Variants in PREP observed in about 807,000 individuals in gnomAD.
PREP encodes prolyl endopeptidase.
In PREP, 29 loss-of-function variants were observed where a neutral mutation model predicts 87.6. The observed-to-expected ratio is 0.33, with a 90% CI of 0.25 to 0.45. The LOEUF (loss-of-function observed/expected upper bound fraction) is 0.45. Ranked by LOEUF, PREP falls within the 20% of genes least tolerant of loss-of-function variation. The pLI is 1.00. For synonymous variants in PREP, 337 were observed against 328.6 expected (o/e 1.03, Z -0.28); for missense variants, 695 against 886.5 (o/e 0.78, Z 2.74).
chr6:105,355,602 A>G (rs926455327), intron 6 of PREP, among the ~76,000 whole-genome samples: 4 of 152,158 alleles, frequency 2.6e-5, no homozygotes, highest in Admixed American at 2.6e-4. Context: ...CTTGAGATTA[A>G]TTGAGCTTCC....
intron 10 of PREP, among the ~76,000 whole-genome samples, chr6:105,300,845 C>A (rs961819063): frequency 1.3e-5 from 2 of 152,128 alleles, no homozygotes; most frequent in Non-Finnish European, 2.9e-5. Context: ...AAAAGAATAT[C>A]TTCCTTTAAA....
chr6:105,297,503 A>C (rs922395884), intron 10 of PREP, among the ~76,000 whole-genome samples: 3 of 152,244 alleles, frequency 2.0e-5, no homozygotes, highest in African/African-American at 7.2e-5. Context: ...CAAGTTAAAC[A>C]AAATTACTTC....
intron 10 of PREP, among the ~76,000 whole-genome samples, chr6:105,315,394 G>A (rs1212242868): frequency 1.3e-5 from 2 of 152,090 alleles, no homozygotes; most frequent in Non-Finnish European, 2.9e-5. Context: ...CTCATCTTGA[G>A]CTCCTGGCCC....
At chr6:105,363,290 A>G (rs1259575187) in intron 6 of PREP, among the ~76,000 whole-genome samples, 1 of 152,212 alleles carries the variant, frequency 6.6e-6, no homozygotes, top group Non-Finnish European at 1.5e-5. Flanking sequence ...TCTTCATTCT[A>G]GAGCACCCTC....
Position 105,322,872 on chromosome 6 carries a change from C to T in PREP, c.1317+793G>A, listed in dbSNP as rs187321155. 74 of 1,172,608 alleles carry T rather than the reference C, an allele frequency of 6.3e-5. No individual in the cohort carries two copies. The African/African-American group carries it at 1.1e-3, about 18-fold the overall frequency. The allele number at this position is 1,172,608 out of a possible 1,614,324, so 72.6% of individuals were successfully genotyped here. A position where few individuals can be genotyped will look rare whatever the true frequency, so the allele number is the denominator to read the frequency against. ...GTAATTCACCAAGCTATAATAATGC[C>T]CTAGTTTCACAGAAACATTGTGGGG... is the stretch of plus-strand genomic sequence containing the variant. On this transcript the variant is annotated intron_variant, in intron 10 of 14. Coordinates refer to ENST00000652536, the MANE Select transcript of PREP (RefSeq NM_002726.5).
chr6:105,297,980 C>T (rs1011195222), intron 10 of PREP, among the ~76,000 whole-genome samples: 2 of 152,200 alleles, frequency 1.3e-5, no homozygotes, highest in Non-Finnish European at 2.9e-5. Flanking sequence ...AAGATAAAAC[C>T]AAACATTACG....
chr6:105,367,853 A>G (rs1039061636), intron 6 of PREP, among the ~76,000 whole-genome samples: 1 of 152,186 alleles, frequency 6.6e-6, no homozygotes, highest in East Asian at 1.9e-4. Context: ...TGCAGTTCTA[A>G]TTTGAAAGCA....
rs568256557 is a variant in PREP, at chr6:105,285,602, T to G, written c.1455-22A>C. 12 of 1,590,024 alleles carry G rather than the reference T, an allele frequency of 7.5e-6. No homozygotes were observed. The East Asian group carries it at 2.5e-4, about 33-fold the overall frequency. On this transcript the variant is annotated intron_variant, in intron 11 of 14. Transcript: ENST00000652536. ...AACACTGAGAAGCAGTAAAAACAGT[T>G]AACCTTCCATTAACTGCCTAGTGAA...
chr6:105,367,572 T>C (rs1481389271), intron 6 of PREP, among the ~76,000 whole-genome samples: 1 of 149,360 alleles, frequency 6.7e-6, no homozygotes, highest in Non-Finnish European at 1.5e-5. Flanking sequence ...CTTGGGAGGC[T>C]GAGGCAGGAG....
intron 10 of PREP, 67 bp downstream of exon 10, chr6:105,323,598 T>A (rs545129309): frequency 7.3e-7 from 1 of 1,360,928 alleles, no homozygotes; most frequent in Admixed American, 1.7e-5. Flanking sequence ...TAAGCTACAG[T>A]GTGAATGGCC....
intron 2 of PREP, among the ~76,000 whole-genome samples, chr6:105,386,623 G>C (rs1562226603): frequency 6.6e-6 from 1 of 152,124 alleles, no homozygotes; most frequent in African/African-American, 2.4e-5. Flanking sequence ...TTAGAACTTA[G>C]CTGCTTATGA....
At position 105,368,219 on chromosome 6, in the gene PREP, A is replaced by G. The variant is rs374902090; in HGVS notation, c.717+684T>C. Among the ~76,000 whole-genome samples the G allele has an allele frequency of 5.3e-5, 8 of 152,294 alleles. No individual in the cohort carries two copies. In the East Asian group the frequency reaches 1.2e-3, roughly 22 times the overall value. ...GGAATAACATCCCACCCATATTAAA[A>G]CATATTCAGAATGCTTCTCTAACAA... On this transcript the variant is annotated intron_variant, in intron 6 of 14. Coordinates refer to ENST00000652536, the MANE Select transcript of PREP (RefSeq NM_002726.5).
intron 6 of PREP, among the ~76,000 whole-genome samples, chr6:105,358,172 C>G (rs1772152418): frequency 6.6e-6 from 1 of 151,694 alleles, no homozygotes; most frequent in Admixed American, 6.6e-5. Flanking sequence ...AAAAATCTAC[C>G]ATTTATGTAA....
At chr6:105,349,936 T>C (rs1425531150) in intron 7 of PREP, among the ~76,000 whole-genome samples, 1 of 129,718 alleles carries the variant, frequency 7.7e-6, no homozygotes, top group Non-Finnish European at 1.5e-5. Flanking sequence ...AAAAAGATCC[T>C]AGGAGTTAGT....
At chr6:105,355,617 T>A (rs2114687521) in intron 6 of PREP, among the ~76,000 whole-genome samples, 1 of 152,338 alleles carries the variant, frequency 6.6e-6, no homozygotes, top group African/African-American at 2.4e-5. Flanking sequence ...GCTTCCTGAA[T>A]CTGTTGATTT....
At chr6:105,384,684 C>G (rs759809132) in intron 2 of PREP, among the ~76,000 whole-genome samples, 2 of 152,246 alleles carry the variant, frequency 1.3e-5, no homozygotes, top group African/African-American at 4.8e-5. Context: ...GCAAAACAAT[C>G]AGAATCCTTT....
At chr6:105,290,070 AT>A (rs1402479922) in intron 10 of PREP, among the ~76,000 whole-genome samples, 2 of 152,198 alleles carry the variant, frequency 1.3e-5, no homozygotes, top group Non-Finnish European at 2.9e-5. Flanking sequence ...CATAAAAAGC[AT>A]TTGTTTCGGA....
intron 10 of PREP, among the ~76,000 whole-genome samples, chr6:105,313,119 AG>A (rs1770793445): frequency 6.6e-6 from 1 of 152,250 alleles, no homozygotes; most frequent in African/African-American, 2.4e-5. Flanking sequence ...AACCAGGTCA[AG>A]GTACACTTAA....
At chr6:105,279,308 G>A (rs1004209390) in intron 14 of PREP, among the ~76,000 whole-genome samples, 6 of 152,140 alleles carry the variant, frequency 3.9e-5, no homozygotes, top group Admixed American at 6.5e-5. Flanking sequence ...GTTAACCAAC[G>A]TGAGGCCAAA....
Sources: gnomAD v4.1 joint callset for allele counts (sites outside exome capture counted in the v4.1 genomes callset) on GRCh38, gnomAD v4.1.1 for gene constraint, MANE v1.5 for transcripts, NCBI Gene and HGNC (gene_info 2026-07-23, HGNC 2026-07-21) for gene names.